The following LRP1B variants were observed in gnomAD, a reference collection of about 807,000 sequenced individuals.
LRP1B encodes the protein low-density lipoprotein receptor-related protein 1B.
Under a neutral mutation model 556.6 loss-of-function variants are expected in LRP1B, and 217 were observed. That is an observed-to-expected ratio of 0.39 (90% CI 0.35 to 0.44). LRP1B has a LOEUF of 0.44. Ranked by LOEUF, LRP1B falls within the 20% of genes least tolerant of loss-of-function variation. The pLI is 1.00. For missense variants in LRP1B, 5,053 were observed against 5,620.8 expected (o/e 0.90, Z 3.23); for synonymous variants, 2,047 against 1,865.8 (o/e 1.10, Z -2.50).
chr2:140,590,222 G>T (rs1682160076), intron 43 of LRP1B, among the ~76,000 whole-genome samples: 1 of 140,428 alleles, frequency 7.1e-6, no homozygotes, highest in African/African-American at 2.6e-5. Context: ...TAACAATTTT[G>T]GGAATTTTTA....
At chr2:140,832,898 TAAAGA>T (rs1022240748) in intron 31 of LRP1B, among the ~76,000 whole-genome samples, 4 of 151,962 alleles carry the variant, frequency 2.6e-5, no homozygotes, top group African/African-American at 7.3e-5. Context: ...GTTCCCAATG[TAAAGA>T]AAAGTTACAG....
rs1009007496 is a variant in LRP1B at position 142,047,376 on chromosome 2, GA to G, written c.82+83271del. Among the ~76,000 whole-genome samples, 15 of 151,412 alleles carry G rather than the reference GA, an allele frequency of 9.9e-5. 1 individual carries two copies. Among genetic ancestry groups the G allele is most frequent in the African/African-American group, 3.4e-4 (14 of 41,376 alleles). ...AGGTAGCAGTCCACACACTTCAATG[GA>G]AAAAAAATATGCTAGGTTTTTCAAC... On this transcript the variant is annotated intron_variant, in intron 1 of 90. Coordinates refer to ENST00000389484, the MANE Select transcript of LRP1B (RefSeq NM_018557.3).
intron 41 of LRP1B, among the ~76,000 whole-genome samples, chr2:140,644,401 C>CTTTTTTTTTTTT (rs34828807): frequency 7.5e-6 from 1 of 132,862 alleles, no homozygotes; most frequent in Non-Finnish European, 1.6e-5. Flanking sequence ...TTTCTTTTTT[C>CTTTTTTTTTTTT]TTTTTTTTTT....
chr2:140,855,985 C>T (rs1420696150), intron 27 of LRP1B, among the ~76,000 whole-genome samples: 2 of 152,054 alleles, frequency 1.3e-5, no homozygotes, highest in African/African-American at 4.8e-5. Context: ...TTTCTTTTTA[C>T]CTCTACTCCT....
intron 75 of LRP1B, 58 bp from the exon 76 acceptor site, chr2:140,353,130 TACC>T (rs1682051154): frequency 1.9e-6 from 3 of 1,569,942 alleles, no homozygotes; most frequent in African/African-American, 2.8e-5. Flanking sequence ...CTCCTATTCT[TACC>T]ACGTTTCAAA....
chr2:141,677,896 TG>T (rs1473736477), intron 2 of LRP1B, among the ~76,000 whole-genome samples: 4 of 152,176 alleles, frequency 2.6e-5, no homozygotes, highest in African/African-American at 7.2e-5. Context: ...AGCTGACAGC[TG>T]TAGAGACAGA....
At chr2:140,694,336 A>G (rs530778038) in intron 41 of LRP1B, among the ~76,000 whole-genome samples, 3 of 152,232 alleles carry the variant, frequency 2.0e-5, no homozygotes, top group African/African-American at 4.8e-5. Context: ...CCTAAAACAA[A>G]TGTTATTTCC....
chr2:141,663,278 T>C (rs1175641309), intron 2 of LRP1B, among the ~76,000 whole-genome samples: 1 of 151,050 alleles, frequency 6.6e-6, no homozygotes, highest in Admixed American at 6.6e-5. Context: ...CTAAAAGAAT[T>C]AGAGAACCAA....
At chr2:141,925,128 A>G (rs1700298810) in intron 1 of LRP1B, among the ~76,000 whole-genome samples, 2 of 152,196 alleles carry the variant, frequency 1.3e-5, no homozygotes, top group African/African-American at 2.4e-5. Flanking sequence ...ATTCCATGTG[A>G]TAGTCTTTTC....
At chr2:140,617,470 C>G (rs1683298014) in intron 41 of LRP1B, among the ~76,000 whole-genome samples, 1 of 151,908 alleles carries the variant, frequency 6.6e-6, no homozygotes, top group Non-Finnish European at 1.5e-5. Flanking sequence ...ATTTCTTTCT[C>G]AGAGACTATT....
intron 7 of LRP1B, among the ~76,000 whole-genome samples, chr2:141,145,472 T>C (rs995644059): frequency 2.0e-5 from 3 of 152,042 alleles, no homozygotes; most frequent in East Asian, 1.9e-4. Context: ...AATTTAACAG[T>C]GTTGGTGTGC....
chr2:141,824,555 C>T (rs1028401717), intron 1 of LRP1B, among the ~76,000 whole-genome samples: 1 of 152,106 alleles, frequency 6.6e-6, no homozygotes, highest in African/African-American at 2.4e-5. Flanking sequence ...TTAGTAGAGA[C>T]GGGGTTTCAC....
At chr2:141,452,971 C>T (rs1365120410) in intron 3 of LRP1B, among the ~76,000 whole-genome samples, 2 of 152,144 alleles carry the variant, frequency 1.3e-5, no homozygotes, top group African/African-American at 2.4e-5. Flanking sequence ...CACGGTAGCT[C>T]ACACCTGTAA....
chr2:140,275,748 C>T (rs552285338), intron 84 of LRP1B, among the ~76,000 whole-genome samples: 2 of 152,064 alleles, frequency 1.3e-5, no homozygotes, highest in South Asian at 2.1e-4. Context: ...CCATCAGTCA[C>T]GAAACTCCCT....
chr2:141,905,702 G>C (rs1262569816), intron 1 of LRP1B, among the ~76,000 whole-genome samples: 2 of 150,792 alleles, frequency 1.3e-5, no homozygotes, highest in African/African-American at 4.9e-5. Flanking sequence ...CCATGTGTGA[G>C]AATCAAGCCA....
chr2:140,278,747 A>G (rs1348478235), intron 84 of LRP1B, among the ~76,000 whole-genome samples: 2 of 152,018 alleles, frequency 1.3e-5, no homozygotes, highest in Non-Finnish European at 2.9e-5. Context: ...CCCTCTAAAA[A>G]TGGCAGAAAT....
At chr2:141,867,859 A>G (rs1698463249) in intron 1 of LRP1B, among the ~76,000 whole-genome samples, 2 of 152,170 alleles carry the variant, frequency 1.3e-5, no homozygotes, top group South Asian at 4.1e-4. Flanking sequence ...AAAAGGGGGA[A>G]TAAGTTATAC....
At chr2:140,236,124 T>C (rs1024492081) in intron 89 of LRP1B, among the ~76,000 whole-genome samples, 2 of 150,892 alleles carry the variant, frequency 1.3e-5, no homozygotes, top group African/African-American at 4.8e-5. Context: ...AATATAATAT[T>C]CTCTGATAGT....
At chr2:141,583,960 G>A (rs1438027626) in intron 2 of LRP1B, among the ~76,000 whole-genome samples, 1 of 151,444 alleles carries the variant, frequency 6.6e-6, no homozygotes, top group East Asian at 1.9e-4. Context: ...GGATGGTCTT[G>A]ATCTCCTGAT....
Sources: gnomAD v4.1 joint callset for allele counts (sites outside exome capture counted in the v4.1 genomes callset) on GRCh38, gnomAD v4.1.1 for gene constraint, MANE v1.5 for transcripts, NCBI Gene and HGNC (gene_info 2026-07-23, HGNC 2026-07-21) for gene names.